CNTN5: variants seen among roughly 807,000 people sequenced by gnomAD.
The protein encoded by CNTN5 is contactin-5.
Under a neutral mutation model 129.1 loss-of-function variants are expected in CNTN5, and 77 were observed. The ratio of observed to expected loss-of-function variants is 0.60; its 90% CI spans 0.50 to 0.72. The LOEUF is 0.72. Among genes scored for constraint, CNTN5 ranks in the 30% least tolerant of loss-of-function variants. The pLI, the probability that CNTN5 is intolerant of heterozygous loss-of-function variation, is 0.00. For synonymous variants in CNTN5, 509 were observed against 465.6 expected (o/e 1.09, Z -1.20); for missense variants, 1,478 against 1,328.8 (o/e 1.11, Z -1.75).
intron 13 of CNTN5, among the ~76,000 whole-genome samples, chr11:100,161,830 T>TACACACACACACACACAC (rs71050053): frequency 2.1e-3 from 267 of 125,858 alleles, no homozygotes; most frequent in South Asian, 2.6e-3. Flanking sequence ...TGGAGCTTCC[T>TACACACACACACACACAC]ACACACACAC....
chr11:99,212,477 T>A (rs1442933287), intron 1 of CNTN5, among the ~76,000 whole-genome samples: 2 of 152,192 alleles, frequency 1.3e-5, no homozygotes, highest in East Asian at 3.9e-4. Flanking sequence ...CTTCTGAGCA[T>A]CATGCGGTTC....
chr11:99,335,674 C>T (rs1297561714), intron 2 of CNTN5, among the ~76,000 whole-genome samples: 1 of 152,092 alleles, frequency 6.6e-6, no homozygotes, highest in Admixed American at 6.6e-5. Flanking sequence ...AGAATTCTCA[C>T]AATGATAGAT....
chr11:100,154,115 C>T (rs1269824389), intron 13 of CNTN5, among the ~76,000 whole-genome samples: 1 of 152,072 alleles, frequency 6.6e-6, no homozygotes, highest in Non-Finnish European at 1.5e-5. Context: ...AGCACCCCAA[C>T]CCCGAACAAG....
intron 1 of CNTN5, among the ~76,000 whole-genome samples, chr11:99,055,015 C>G (rs1193931649): frequency 1.3e-5 from 2 of 151,844 alleles, no homozygotes; most frequent in Non-Finnish European, 2.9e-5. Flanking sequence ...ATCGTAATTA[C>G]CTAGAAGGCT....
chr11:99,955,438 C>G (rs548214081), intron 7 of CNTN5, among the ~76,000 whole-genome samples: 1 of 152,124 alleles, frequency 6.6e-6, no homozygotes, highest in South Asian at 2.1e-4. Context: ...CAGTAAAAAA[C>G]ACTTTTCTTT....
intron 2 of CNTN5, among the ~76,000 whole-genome samples, chr11:99,539,519 C>T (rs1948020376): frequency 6.6e-6 from 1 of 151,798 alleles, no homozygotes; most frequent in Non-Finnish European, 1.5e-5. Context: ...TTATGGAATC[C>T]CTATATTTCT....
At chr11:99,051,359 CT>C (rs1864419096) in intron 1 of CNTN5, among the ~76,000 whole-genome samples, 1 of 151,890 alleles carries the variant, frequency 6.6e-6, no homozygotes, top group Admixed American at 6.6e-5. Context: ...ATTTTCTCCC[CT>C]TTGAGACCTG....
At chr11:99,610,639 T>G (rs1206338320) in intron 3 of CNTN5, among the ~76,000 whole-genome samples, 1 of 152,144 alleles carries the variant, frequency 6.6e-6, no homozygotes, top group Non-Finnish European at 1.5e-5. Flanking sequence ...GGAAAATTAC[T>G]ACAAGGGAAC....
intron 2 of CNTN5, among the ~76,000 whole-genome samples, chr11:99,501,779 C>T (rs1460059628): frequency 6.6e-6 from 1 of 152,178 alleles, no homozygotes; most frequent in Non-Finnish European, 1.5e-5. Context: ...CTAATTTTCT[C>T]TCTGACTGTT....
chr11:99,696,544 G>C (rs1017585472), intron 3 of CNTN5, among the ~76,000 whole-genome samples: 9 of 151,900 alleles, frequency 5.9e-5, no homozygotes, highest in African/African-American at 2.2e-4. Flanking sequence ...GATAAGTTGA[G>C]ATGTTGTAAT....
chr11:99,301,431 C>T (rs1371151208), intron 1 of CNTN5, among the ~76,000 whole-genome samples: 1 of 151,536 alleles, frequency 6.6e-6, no homozygotes, highest in Non-Finnish European at 1.5e-5. Flanking sequence ...ATCAAGAGAA[C>T]TGGAATGGCT....
intron 1 of CNTN5, among the ~76,000 whole-genome samples, chr11:99,252,151 C>T (rs1013949486): frequency 5.3e-5 from 8 of 151,994 alleles, no homozygotes; most frequent in African/African-American, 1.2e-4. Context: ...TATTCTTCCA[C>T]TGATAACTTC....
At chr11:99,724,122 T>C (rs2135047831) in intron 3 of CNTN5, among the ~76,000 whole-genome samples, 1 of 152,314 alleles carries the variant, frequency 6.6e-6, no homozygotes, top group East Asian at 1.9e-4. Context: ...TAGCTGGTCC[T>C]GCACAGTCAT....
intron 2 of CNTN5, among the ~76,000 whole-genome samples, chr11:99,453,278 C>T (rs887038944): frequency 6.6e-6 from 1 of 151,980 alleles, no homozygotes; most frequent in South Asian, 2.1e-4. Context: ...TTTTACTAAT[C>T]GTATAACAAT....
intron 1 of CNTN5, among the ~76,000 whole-genome samples, chr11:99,246,228 A>T (rs1294895935): frequency 6.6e-6 from 1 of 152,218 alleles, no homozygotes; most frequent in Non-Finnish European, 1.5e-5. Flanking sequence ...TAGCCAAATC[A>T]GGTAACGCTG....
At chr11:99,846,271 T>C (rs1266146173) in intron 6 of CNTN5, among the ~76,000 whole-genome samples, 1 of 148,804 alleles carries the variant, frequency 6.7e-6, no homozygotes, top group African/African-American at 2.5e-5. Flanking sequence ...GGCAGGAGAA[T>C]TGCTTGAACC....
At chr11:100,132,717 C>T (rs1215635153) in intron 13 of CNTN5, among the ~76,000 whole-genome samples, 1 of 152,004 alleles carries the variant, frequency 6.6e-6, no homozygotes, top group Non-Finnish European at 1.5e-5. Context: ...GTGTTTCATA[C>T]GTATTTTTTA....
rs566861354 is a variant in CNTN5, at chr11:99,326,042, A to G, written c.-71+558A>G. 7.2e-5 allele frequency among the ~76,000 whole-genome samples: 11 copies of G among 152,332 alleles called. No individual in the cohort carries two copies. The South Asian group carries it at 1.7e-3, about 23-fold the overall frequency. ...TTGCACAACAGCTCCGCATTCTTACATATTTACGTAACCAACAGAAATTAC... is the reference window on the plus strand; with the variant it reads ...TTGCACAACAGCTCCGCATTCTTACGTATTTACGTAACCAACAGAAATTAC... On this transcript the variant is annotated intron_variant, in intron 2 of 24. Coordinates refer to ENST00000524871, the MANE Select transcript of CNTN5 (RefSeq NM_014361.4).
intron 13 of CNTN5, among the ~76,000 whole-genome samples, chr11:100,119,286 G>T (rs1945939897): frequency 6.6e-6 from 1 of 151,880 alleles, no homozygotes; most frequent in African/African-American, 2.4e-5. Flanking sequence ...AGATCAATTT[G>T]TCCATGGTTA....
Sources: allele counts gnomAD v4.1 joint callset (sites outside exome capture counted in the v4.1 genomes callset), GRCh38; gene constraint gnomAD v4.1.1; transcripts MANE v1.5; gene names NCBI Gene and HGNC (gene_info 2026-07-23, HGNC 2026-07-21).